KCNT1: variants seen among roughly 807,000 people sequenced by gnomAD.
The protein encoded by KCNT1 is potassium channel subfamily T member 1.
A neutral mutation model predicts 147.8 loss-of-function variants in KCNT1; 78 were observed. The observed-to-expected ratio is 0.53, with a 90% CI of 0.44 to 0.64. The LOEUF is 0.64. KCNT1 is among the 30% of genes least tolerant of loss of function. The pLI is 0.00. For synonymous variants in KCNT1, 867 were observed against 748.8 expected (o/e 1.16, Z -2.58); for missense variants, 1,419 against 1,750.3 (o/e 0.81, Z 3.38).
At chr9:135,721,174 G>T (rs368861969) in intron 2 of KCNT1, among the ~76,000 whole-genome samples, 1 of 152,030 alleles carries the variant, frequency 6.6e-6, no homozygotes, top group South Asian at 2.1e-4. Flanking sequence ...CAACGCTCTC[G>T]GCCTGAGCTG....
In KCNT1 at chr9:135,777,603, C is replaced by T. The variant is rs894296419; in HGVS notation, c.2522+93C>T. 4.6e-5 allele frequency: 58 copies of T among 1,251,484 alleles called. No homozygotes were observed. The African/African-American group carries it at 7.7e-4, about 17-fold the overall frequency. 77.5% of individuals were successfully genotyped at this position (1,251,484 alleles called of 1,614,324 possible). On this transcript the variant is annotated intron_variant, in intron 21 of 30. Coordinates refer to ENST00000371757, the MANE Select transcript of KCNT1 (RefSeq NM_020822.3). ...CAACTGGGCCCACCCTTCGCCTTTG[C>T]AGAGGGCACGGGAACATGGGGCCTC...
chr9:135,756,168 CA>C (rs1831468794), intron 6 of KCNT1, among the ~76,000 whole-genome samples: 1 of 152,072 alleles, frequency 6.6e-6, no homozygotes, highest in Non-Finnish European at 1.5e-5. Context: ...ATGCTGAAGA[CA>C]AACTCAGGCT....
At chr9:135,764,502 G>A (rs969533652) in intron 11 of KCNT1, among the ~76,000 whole-genome samples, 1 of 152,136 alleles carries the variant, frequency 6.6e-6, no homozygotes, top group African/African-American at 2.4e-5. Context: ...AGGCCAGTGG[G>A]GCCGGTGCTG....
intron 24 of KCNT1, among the ~76,000 whole-genome samples, chr9:135,782,846 G>A (rs1278070504): frequency 5.9e-5 from 9 of 152,226 alleles, no homozygotes; most frequent in African/African-American, 9.6e-5. Context: ...GCAGCTCATC[G>A]CACCTGGTTC....
intron 13 of KCNT1, among the ~76,000 whole-genome samples, chr9:135,768,215 A>G: frequency 1.4e-5 from 1 of 72,942 alleles, no homozygotes; most frequent in Non-Finnish European, 2.5e-5. Flanking sequence ...TGGGCCAGGG[A>G]GTCTGGAGAG....
intron 29 of KCNT1, chr9:135,790,314 T>C (rs1731678599): frequency 6.6e-6 from 1 of 151,998 alleles, no homozygotes; most frequent in Non-Finnish European, 1.5e-5. Context: ...AGGGTGTGTC[T>C]CCCTGCACAG....
chr9:135,766,198 G>T (rs1454177641), intron 13 of KCNT1, among the ~76,000 whole-genome samples: 2 of 151,938 alleles, frequency 1.3e-5, no homozygotes, highest in Admixed American at 6.6e-5. Context: ...AACTGTCCAG[G>T]GGGGACCATC....
intron 28 of KCNT1, chr9:135,785,691 AT>A (rs796228341): frequency 5.9e-6 from 3 of 506,360 alleles, no homozygotes; most frequent in South Asian, 4.1e-5. Context: ...CCCAGGTGGG[AT>A]GCCTACCTCT....
At chr9:135,777,080 C>G (rs543728462) in intron 20 of KCNT1, among the ~76,000 whole-genome samples, 2 of 152,370 alleles carry the variant, frequency 1.3e-5, no homozygotes, top group South Asian at 4.1e-4. Flanking sequence ...TAGCCACATG[C>G]CAAAACCACA....
chr9:135,779,556 C>A, intron 24 of KCNT1, 86 bp downstream of exon 24: 2 of 1,016,430 alleles, frequency 2.0e-6, no homozygotes, highest in Non-Finnish European at 3.1e-6. Context: ...GGGGCCAGTG[C>A]CATGGGAGGC....
rs563329017 is a variant in KCNT1 at position 135,703,958 on chromosome 9, G to A, written c.110+1590G>A. 4.1e-4 allele frequency among the ~76,000 whole-genome samples: 62 copies of A among 152,346 alleles called. No individual in the cohort carries two copies. The Middle Eastern group carries it at 0.01, about 25-fold the overall frequency. ...CTGTCACACTGCAGGCAGAGCAGCC[G>A]CCGGCAGTGGAGGGATGTCAGGCGT... On this transcript the variant is annotated intron_variant, in intron 1 of 30. Coordinates refer to ENST00000371757, the MANE Select transcript of KCNT1 (RefSeq NM_020822.3).
chr9:135,726,568 C>T (rs1223842022), intron 2 of KCNT1, among the ~76,000 whole-genome samples: 2 of 152,030 alleles, frequency 1.3e-5, no homozygotes, highest in Non-Finnish European at 2.9e-5. Flanking sequence ...CTGCTACGGA[C>T]GGGGCCCCTT....
chr9:135,758,976 C>T (rs1424233387), intron 10 of KCNT1, among the ~76,000 whole-genome samples: 2 of 152,220 alleles, frequency 1.3e-5, no homozygotes, highest in Non-Finnish European at 2.9e-5. Flanking sequence ...GCCTTGGGTC[C>T]CAGCGAGGCC....
At chr9:135,790,741 G>C (rs1294922024) in intron 29 of KCNT1, 3 of 152,524 alleles carry the variant, frequency 2.0e-5, no homozygotes, top group Admixed American at 2.0e-4. Flanking sequence ...CAGCCAGGGT[G>C]GAGGCTCCCT....
chr9:135,775,260 C>T (rs751789889), intron 19 of KCNT1, 50 bp from the exon 20 acceptor site: 3 of 1,458,072 alleles, frequency 2.1e-6, no homozygotes, highest in East Asian at 2.5e-5. Context: ...CCAGAGCAGA[C>T]CCAGCCACCT....
At chr9:135,785,202 C>T (rs1833944104) in intron 27 of KCNT1, 108 bp from the exon 28 acceptor site, 1 of 1,496,484 alleles carries the variant, frequency 6.7e-7, no homozygotes, top group Non-Finnish European at 9.1e-7. Context: ...CAGCAGCAGG[C>T]ACCGTGCCCA....
rs760413886 is a variant in KCNT1 at position 135,758,403 on chromosome 9, T to C, written c.760-11T>C. 15 of 1,607,794 alleles carry C rather than the reference T, an allele frequency of 9.3e-6. No individual in the cohort carries two copies. Among genetic ancestry groups the C allele is most frequent in the Non-Finnish European group, 1.3e-5 (15 of 1,176,208 alleles). On this transcript the variant is annotated splice_polypyrimidine_tract_variant and intron_variant, in intron 9 of 30. Transcript: ENST00000371757. ...GTCCCTGCCCGCTGACAGCCACCAC[T>C]CCTTCCACAGAATGACTTCCACCGT...
intron 5 of KCNT1, among the ~76,000 whole-genome samples, chr9:135,754,739 G>GAA (rs900899794): frequency 3.9e-5 from 6 of 152,144 alleles, no homozygotes; most frequent in African/African-American, 1.2e-4. Context: ...GGACCCAGGT[G>GAA]AAAAAAACAG....
In KCNT1 at chr9:135,786,335, C is replaced by T. The variant is rs542409033; in HGVS notation, c.3316C>T (p.Arg1106Trp). ...TGACCCCGCAGAGCACCCACTGCTA[C>T]GGCGCAAGAGCCTGCAGTGGGCCCG... ...GGDPAEHPLLRRKSLQWARRL... is the reference protein window; with the variant it reads ...GGDPAEHPLLWRKSLQWARRL... Residue 1106 changes from arginine (R) to tryptophan (W), a missense_variant, in exon 29 of 31, where the codon CGG becomes TGG. Physicochemically the swap from Arg to Trp is moderately radical, Grantham distance 101. Coordinates refer to ENST00000371757, the MANE Select transcript of KCNT1 (RefSeq NM_020822.3). 39 of 1,594,680 alleles carry T rather than the reference C, an allele frequency of 2.4e-5. No individual in the cohort carries two copies. The highest frequency in any genetic ancestry group is 3.0e-5 in the Non-Finnish European group (35 of 1,172,078).
Sources: gnomAD v4.1 joint callset for allele counts (sites outside exome capture counted in the v4.1 genomes callset) on GRCh38, gnomAD v4.1.1 for gene constraint, MANE v1.5 for transcripts, NCBI Gene and HGNC (gene_info 2026-07-23, HGNC 2026-07-21) for gene names.